MAP4K5: variants seen among roughly 807,000 people sequenced by gnomAD.
MAP4K5 encodes the protein mitogen-activated protein kinase kinase kinase kinase 5.
Under a neutral mutation model 135.6 loss-of-function variants are expected in MAP4K5, and 82 were observed. The observed-to-expected ratio is 0.60, with a 90% confidence interval of 0.51 to 0.73. The LOEUF (loss-of-function observed/expected upper bound fraction) is 0.73. MAP4K5 is among the 30% of genes least tolerant of loss of function. The pLI is 0.00. For synonymous variants in MAP4K5, 347 were observed against 335.0 expected, an observed-to-expected ratio of 1.04 and a Z score of -0.39; for missense variants, 907 against 1,010.9, an observed-to-expected ratio of 0.90 and a Z score of 1.39.
upstream of MAP4K5, among the ~76,000 whole-genome samples, chr14:50,534,702 CTA>C (rs926715230): frequency 6.6e-6 from 1 of 152,198 alleles, no homozygotes; most frequent in Non-Finnish European, 1.5e-5. Context: ...AGTCGAGACT[CTA>C]TGTGTCTGCT....
intron 6 of MAP4K5, among the ~76,000 whole-genome samples, chr14:50,480,125 C>A (rs2037203729): frequency 6.6e-6 from 1 of 151,558 alleles, no homozygotes; most frequent in South Asian, 2.1e-4. Context: ...TGGAAATAAT[C>A]TTGGAGGTAT....
chr14:50,473,067 G>A (rs909853221), intron 9 of MAP4K5, among the ~76,000 whole-genome samples: 10 of 152,066 alleles, frequency 6.6e-5, no homozygotes, highest in African/African-American at 2.2e-4. Context: ...AATTCGATAC[G>A]TAGTGTTTTT....
At chr14:50,474,506 A>G (rs1253498340) in intron 9 of MAP4K5, among the ~76,000 whole-genome samples, 1 of 152,178 alleles carries the variant, frequency 6.6e-6, no homozygotes, top group Admixed American at 6.5e-5. Context: ...ATCATCTATC[A>G]ATAATGAAAG....
chr14:50,533,811 C>T (rs765532721), upstream of MAP4K5, among the ~76,000 whole-genome samples: 1 of 151,990 alleles, frequency 6.6e-6, no homozygotes, highest in Non-Finnish European at 1.5e-5. Flanking sequence ...GACAATACTC[C>T]TTATTGTTGA....
intron 1 of MAP4K5, chr14:50,560,040 C>G: frequency 6.7e-6 from 4 of 596,294 alleles, no homozygotes; most frequent in Non-Finnish European, 1.2e-5. Context: ...GGGTGTGACG[C>G]TGGTATCTGT....
chr14:50,437,833 G>T, intron 25 of MAP4K5, 61 bp downstream of exon 25: 1 of 1,060,658 alleles, frequency 9.4e-7, no homozygotes, highest in Non-Finnish European at 1.4e-6. Context: ...AGAAATACGG[G>T]CTATTTTTAA....
At chr14:50,521,536 C>T (rs1413358184) in intron 2 of MAP4K5, among the ~76,000 whole-genome samples, 1 of 152,194 alleles carries the variant, frequency 6.6e-6, no homozygotes, top group East Asian at 1.9e-4. Flanking sequence ...GATGATAGCA[C>T]ATCTGTTCCA....
chr14:50,428,869 A>G (rs1401706473), intron 29 of MAP4K5, 115 bp from the exon 30 acceptor site: 1 of 668,546 alleles, frequency 1.5e-6, no homozygotes, highest in Non-Finnish European at 2.5e-6. Context: ...AAGTTCAACT[A>G]TTTATCTTGA....
chr14:50,501,207 T>A (rs1278089491), intron 3 of MAP4K5, among the ~76,000 whole-genome samples: 3 of 152,134 alleles, frequency 2.0e-5, no homozygotes, highest in Non-Finnish European at 2.9e-5. Context: ...ATTGGGGGGA[T>A]GATGAGGCAG....
At chr14:50,442,550 T>C (rs1480384967) in intron 21 of MAP4K5, among the ~76,000 whole-genome samples, 182 bp downstream of exon 21, 1 of 152,068 alleles carries the variant, frequency 6.6e-6, no homozygotes, top group Non-Finnish European at 1.5e-5. Context: ...TCCTATACAC[T>C]CCTAAATTTT....
intron 13 of MAP4K5, among the ~76,000 whole-genome samples, chr14:50,457,999 G>C (rs28665731): frequency 6.6e-6 from 1 of 152,120 alleles, no homozygotes; most frequent in African/African-American, 2.4e-5. Flanking sequence ...AATCATGCTG[G>C]AGGAAAATTA....
At chr14:50,502,828 C>T (rs2140009472) in intron 3 of MAP4K5, among the ~76,000 whole-genome samples, 1 of 152,032 alleles carries the variant, frequency 6.6e-6, no homozygotes, top group Middle Eastern at 3.4e-3. Context: ...GGATAAGAGA[C>T]TGAATCTATA....
intron 15 of MAP4K5, 134 bp downstream of exon 15, chr14:50,448,640 T>C (rs2036412735): frequency 5.3e-6 from 3 of 560,904 alleles, no homozygotes; most frequent in South Asian, 2.6e-5. Flanking sequence ...TTAAAAACTT[T>C]AATACGGGAA....
At chr14:50,501,230 T>C (rs575667525) in intron 3 of MAP4K5, among the ~76,000 whole-genome samples, 54 of 152,230 alleles carry the variant, frequency 3.5e-4, no homozygotes, top group African/African-American at 1.2e-3. Flanking sequence ...AGAGTATAAA[T>C]ATGCAAATTT....
intron 2 of MAP4K5, among the ~76,000 whole-genome samples, chr14:50,526,058 C>T (rs1325465577): frequency 6.6e-6 from 1 of 152,160 alleles, no homozygotes; most frequent in Non-Finnish European, 1.5e-5. Flanking sequence ...CTTCTCAAGC[C>T]TCCAGGTGTT....
chr14:50,513,108 T>C (rs755674059), intron 2 of MAP4K5, among the ~76,000 whole-genome samples: 1 of 152,188 alleles, frequency 6.6e-6, no homozygotes, highest in African/African-American at 2.4e-5. Flanking sequence ...ACTGAAATTA[T>C]TATGTGGAAA....
chr14:50,452,913 C>T (rs2036522348), intron 14 of MAP4K5, among the ~76,000 whole-genome samples: 1 of 152,192 alleles, frequency 6.6e-6, no homozygotes, highest in African/African-American at 2.4e-5. Flanking sequence ...ATAACTGGAG[C>T]CACTGGTTGT....
At chr14:50,521,024 T>C (rs2038140435) in intron 2 of MAP4K5, among the ~76,000 whole-genome samples, 1 of 152,098 alleles carries the variant, frequency 6.6e-6, no homozygotes, top group Non-Finnish European at 1.5e-5. Flanking sequence ...TTTCAACATG[T>C]TGGCCAGGCT....
At chr14:50,432,556 C>CAAAAAAAAAAAAAAAAAAA (rs56267301) in intron 28 of MAP4K5, among the ~76,000 whole-genome samples, 2 of 139,922 alleles carry the variant, frequency 1.4e-5, no homozygotes, top group African/African-American at 6.0e-5. Context: ...ACAAAACTCT[C>CAAAAAAAAAAAAAAAAAAA]AAAAAAAAAA....
Sources: gnomAD v4.1 joint callset for allele counts (sites outside exome capture counted in the v4.1 genomes callset) on GRCh38, gnomAD v4.1.1 for gene constraint, MANE v1.5 for transcripts, NCBI Gene and HGNC (gene_info 2026-07-23, HGNC 2026-07-21) for gene names.